The following CCDC91 variants were observed in gnomAD, a reference collection of about 807,000 sequenced individuals.
CCDC91 encodes the protein coiled-coil domain containing 91.
A neutral mutation model predicts 63.2 loss-of-function variants in CCDC91; 48 were observed. That is an observed-to-expected ratio of 0.76 (90% CI 0.60 to 0.97). The LOEUF (loss-of-function observed/expected upper bound fraction) is 0.97, where lower values mean the gene tolerates loss of function less well. Among genes scored for constraint, CCDC91 ranks in the 50% least tolerant of loss-of-function variants. The pLI is 0.00. For synonymous variants in CCDC91, 167 were observed against 165.8 expected (o/e 1.01, Z -0.06); for missense variants, 500 against 494.6 (o/e 1.01, Z -0.10).
intron 8 of CCDC91, among the ~76,000 whole-genome samples, chr12:28,408,766 C>T (rs547651828): frequency 7.2e-5 from 11 of 152,182 alleles, no homozygotes; most frequent in African/African-American, 2.6e-4. Flanking sequence ...CCTCAGCTTC[C>T]CAAGTATCTG....
At chr12:28,539,416 T>C (rs1433868340) in intron 12 of CCDC91, among the ~76,000 whole-genome samples, 12 of 152,206 alleles carry the variant, frequency 7.9e-5, no homozygotes, top group Non-Finnish European at 1.5e-4. Flanking sequence ...CAGATAGTTG[T>C]AGATAAGTGG....
chr12:28,391,599 T>TGTGG (rs1945951761), intron 8 of CCDC91, among the ~76,000 whole-genome samples, 188 bp downstream of exon 8: 1 of 152,204 alleles, frequency 6.6e-6, no homozygotes. Flanking sequence ...ACCTGAAATA[T>TGTGG]GTGGGTCTCC....
chr12:28,363,032 T>G (rs1449895394), intron 7 of CCDC91, among the ~76,000 whole-genome samples: 6 of 152,192 alleles, frequency 3.9e-5, no homozygotes, highest in Admixed American at 2.6e-4. Flanking sequence ...CTGAAATATT[T>G]AAAGCACATT....
intron 12 of CCDC91, among the ~76,000 whole-genome samples, chr12:28,521,667 G>A (rs1202587239): frequency 1.3e-5 from 2 of 152,182 alleles, no homozygotes; most frequent in Non-Finnish European, 2.9e-5. Flanking sequence ...CAAGGGGAAT[G>A]CTTCCAGTTT....
intron 11 of CCDC91, among the ~76,000 whole-genome samples, chr12:28,457,313 T>C (rs903834737): frequency 5.3e-5 from 8 of 151,974 alleles, no homozygotes; most frequent in African/African-American, 1.9e-4. Flanking sequence ...CTGAAGGGAC[T>C]GACTTTTTAA....
At chr12:28,388,984 A>C (rs1252128902) in intron 7 of CCDC91, among the ~76,000 whole-genome samples, 1 of 152,200 alleles carries the variant, frequency 6.6e-6, no homozygotes, top group Non-Finnish European at 1.5e-5. Flanking sequence ...AAGCAAATGC[A>C]ATAAAAACAA....
At chr12:28,246,586 A>G (rs757774102) in intron 1 of CCDC91, among the ~76,000 whole-genome samples, 52 of 152,242 alleles carry the variant, frequency 3.4e-4, no homozygotes, top group Admixed American at 8.5e-4. Flanking sequence ...GTTTTGAAAG[A>G]TTTGGAGTTG....
intron 7 of CCDC91, among the ~76,000 whole-genome samples, chr12:28,380,198 T>C (rs1190774942): frequency 2.0e-5 from 3 of 151,954 alleles, no homozygotes; most frequent in Non-Finnish European, 2.9e-5. Context: ...GGGGTAGGGA[T>C]AGCATTAGGA....
chr12:28,420,257 T>G (rs1483063707), intron 8 of CCDC91, among the ~76,000 whole-genome samples: 1 of 152,132 alleles, frequency 6.6e-6, no homozygotes, highest in African/African-American at 2.4e-5. Context: ...TGTAGAAAAT[T>G]TGATACATTC....
At chr12:28,406,198 A>C (rs1005410115) in intron 8 of CCDC91, among the ~76,000 whole-genome samples, 1 of 152,020 alleles carries the variant, frequency 6.6e-6, no homozygotes, top group East Asian at 1.9e-4. Flanking sequence ...TCACCTAGGT[A>C]TTAAGCCCAG....
At chr12:28,289,633 G>A (rs11049508) in intron 3 of CCDC91, among the ~76,000 whole-genome samples, 59,515 of 150,042 alleles carry the variant, frequency 0.4, 12,322 homozygotes, top group Middle Eastern at 0.5. Context: ...GCCCTGTAGC[G>A]ATGAGAAGAA....
At chr12:28,346,120 G>T (rs1168269609) in intron 6 of CCDC91, among the ~76,000 whole-genome samples, 2 of 152,074 alleles carry the variant, frequency 1.3e-5, no homozygotes. Context: ...TCTCACAGGT[G>T]AATTTGTGGT....
intron 8 of CCDC91, among the ~76,000 whole-genome samples, chr12:28,409,683 A>G (rs1441382740): frequency 1.3e-5 from 2 of 152,102 alleles, no homozygotes; most frequent in African/African-American, 4.8e-5. Flanking sequence ...ATTTAATGAT[A>G]TATATGTCCT....
At chr12:28,541,556 C>T (rs148646320) in intron 12 of CCDC91, among the ~76,000 whole-genome samples, 82 of 152,090 alleles carry the variant, frequency 5.4e-4, no homozygotes, top group African/African-American at 1.9e-3. Context: ...TTGCTAAAAT[C>T]TATAAAAGTT....
chr12:28,312,868 T>C (rs1417956835), intron 6 of CCDC91, among the ~76,000 whole-genome samples: 2 of 152,068 alleles, frequency 1.3e-5, no homozygotes, highest in Admixed American at 1.3e-4. Context: ...AGACGTGCCT[T>C]TCACTTTCCG....
At chr12:28,517,184 T>G (rs1272088012) in intron 12 of CCDC91, among the ~76,000 whole-genome samples, 1 of 151,978 alleles carries the variant, frequency 6.6e-6, no homozygotes, top group East Asian at 1.9e-4. Context: ...TTTAAATTAC[T>G]TAAACAAAAA....
At chr12:28,481,028 A>C (rs546364201) in intron 11 of CCDC91, among the ~76,000 whole-genome samples, 35 of 152,132 alleles carry the variant, frequency 2.3e-4, no homozygotes, top group Middle Eastern at 3.4e-3. Flanking sequence ...GACATTCAAC[A>C]TGACCTATTT....
At chr12:28,194,125 T>C (rs1410059045) in intron 1 of CCDC91, among the ~76,000 whole-genome samples, 4 of 139,554 alleles carry the variant, frequency 2.9e-5, no homozygotes. Flanking sequence ...AATCCAACGT[T>C]GCAAAGATTT....
chr12:28,397,685 G>T (rs556783861), intron 8 of CCDC91, among the ~76,000 whole-genome samples: 4 of 151,780 alleles, frequency 2.6e-5, no homozygotes, highest in East Asian at 3.9e-4. Context: ...AATTTTTTTT[G>T]AGTTACTTTC....
Sources: allele counts gnomAD v4.1 joint callset (sites outside exome capture counted in the v4.1 genomes callset), GRCh38; gene constraint gnomAD v4.1.1; transcripts MANE v1.5; gene names NCBI Gene and HGNC (gene_info 2026-07-23, HGNC 2026-07-21).